The following GK variants were observed in gnomAD, a reference collection of about 807,000 sequenced individuals.
GK encodes glycerol kinase, also known as ATP:glycerol 3-phosphotransferase.
Under a neutral mutation model 56.4 loss-of-function variants are expected in GK, and 9 were observed. That is an observed-to-expected ratio of 0.16 (90% CI 0.10 to 0.28). The LOEUF (loss-of-function observed/expected upper bound fraction) is 0.28, where lower values mean the gene tolerates loss of function less well. Among genes scored for constraint, GK ranks in the 10% least tolerant of loss-of-function variants. The probability of loss-of-function intolerance (pLI) is 1.00; values close to 1 mark genes in which losing one functional copy is unlikely to be tolerated. For synonymous variants in GK, 104 were observed against 144.1 expected, an observed-to-expected ratio of 0.72 and a Z score of 1.99; for missense variants, 161 against 431.4, an observed-to-expected ratio of 0.37 and a Z score of 5.55.
intron 9 of GK, among the ~76,000 whole-genome samples, chrX:30,699,511 C>T (rs1935526819): frequency 9.4e-6 from 1 of 106,445 alleles, no homozygotes; most frequent in Admixed American, 1.0e-4. Context: ...ATTACAGGTA[C>T]CCGCCATCAT....
intron 13 of GK, among the ~76,000 whole-genome samples, chrX:30,708,970 A>ATTT (rs1409991106): frequency 9.0e-6 from 1 of 111,042 alleles, no homozygotes; most frequent in Non-Finnish European, 1.9e-5. Context: ...GTTTATTTCT[A>ATTT]TTTTTCTCCC....
chrX:30,706,057 C>G (rs143025912), intron 11 of GK, among the ~76,000 whole-genome samples: 1 of 111,738 alleles, frequency 8.9e-6, no homozygotes, highest in African/African-American at 3.3e-5. Context: ...CAGTGTGCGG[C>G]AATAAAACGG....
intron 4 of GK, among the ~76,000 whole-genome samples, chrX:30,690,398 C>T (rs963368088): frequency 1.8e-5 from 2 of 112,076 alleles, no homozygotes; most frequent in Admixed American, 1.9e-4. Context: ...TTAGTGTTTC[C>T]TCTTCCTCAA....
At chrX:30,722,796 T>C (rs1419162658) in intron 18 of GK, among the ~76,000 whole-genome samples, 2 of 110,204 alleles carry the variant, frequency 1.8e-5, no homozygotes, top group African/African-American at 3.3e-5. Flanking sequence ...GAGGGGGGGA[T>C]AGAAATGGGG....
chrX:30,721,458 ATTTTT>A, intron 18 of GK: 2 of 98,392 alleles, frequency 2.0e-5, no homozygotes, highest in Non-Finnish European at 4.0e-5. Context: ...CGCCCGCCTA[ATTTTT>A]TTTTTTTTTT....
intron 9 of GK, among the ~76,000 whole-genome samples, chrX:30,699,345 TTA>T (rs1416140816): frequency 1.0e-5 from 1 of 95,465 alleles, no homozygotes; most frequent in Non-Finnish European, 2.1e-5. Flanking sequence ...CACATACGTT[TTA>T]TATATATATA....
At chrX:30,707,468 A>G (rs1260300725) in intron 11 of GK, 88 bp from the exon 12 acceptor site, 1 of 597,590 alleles carries the variant, frequency 1.7e-6, no homozygotes, top group Non-Finnish European at 2.8e-6. Context: ...ACTAAATTAT[A>G]TGTCAGTTTT....
intron 4 of GK, 61 bp downstream of exon 4, chrX:30,677,513 T>C: frequency 4.4e-6 from 3 of 677,239 alleles, no homozygotes; most frequent in Non-Finnish European, 7.4e-6. Flanking sequence ...AATGTGGTCA[T>C]ATTAAAATAT....
chrX:30,728,246 T>C (rs1431244722), intron 20 of GK, among the ~76,000 whole-genome samples: 1 of 111,493 alleles, frequency 9.0e-6, no homozygotes, highest in Non-Finnish European at 1.9e-5. Context: ...TTGTGGAAGC[T>C]GCTCCTGGTG....
At chrX:30,673,649 T>C (rs759243140) in intron 3 of GK, among the ~76,000 whole-genome samples, 29 of 111,600 alleles carry the variant, frequency 2.6e-4, no homozygotes, top group African/African-American at 9.1e-4. Flanking sequence ...TTACTTGGCA[T>C]GAAGGAATCC....
chrX:30,659,093 G>A (rs1025575989), intron 1 of GK, among the ~76,000 whole-genome samples: 5 of 111,826 alleles, frequency 4.5e-5, no homozygotes, highest in Admixed American at 2.9e-4. Flanking sequence ...GTGCAATGGC[G>A]TGATCTCAGC....
intron 9 of GK, chrX:30,699,882 A>G (rs921795604): frequency 4.5e-5 from 5 of 112,222 alleles, no homozygotes; most frequent in African/African-American, 1.6e-4. Context: ...GATGTTTGCT[A>G]TGAACAAATA....
chrX:30,709,362 T>G (rs1482091911), intron 13 of GK, among the ~76,000 whole-genome samples: 1 of 111,716 alleles, frequency 9.0e-6, no homozygotes, highest in East Asian at 2.8e-4. Flanking sequence ...CCAGTAGCCA[T>G]CCAACTTCTA....
chrX:30,679,479 G>A (rs1329062142), intron 4 of GK, among the ~76,000 whole-genome samples: 1 of 111,224 alleles, frequency 9.0e-6, no homozygotes, highest in East Asian at 2.8e-4. Context: ...TGGCACGCCC[G>A]GCTAGTTCCA....
intron 3 of GK, among the ~76,000 whole-genome samples, chrX:30,675,668 C>G (rs1569149207): frequency 9.3e-6 from 1 of 107,344 alleles, no homozygotes; most frequent in Non-Finnish European, 1.9e-5. Context: ...ACCATACCCC[C>G]CTAATTTTTA....
In GK at chrX:30,729,221, G is replaced by C. The variant is rs1373293596; in HGVS notation, c.*479G>C. ...CCCTAAAAGTCTTCTTTTCTACATA[G>C]TTGAAGACAGCAACATCTTCACTGA... On this transcript the variant is annotated 3_prime_UTR_variant, in exon 21 of 21. Transcript: ENST00000427190. 9.4e-6 allele frequency: 1 copy of C among 106,711 alleles called. No individual in the cohort carries two copies. The highest frequency in any genetic ancestry group is 1.0e-4 in the Admixed American group (1 of 9,840). 8.8% of individuals were successfully genotyped at this position (106,711 alleles called of 1,213,427 possible).
rs149709043 is a variant in GK at position 30,723,452 on chromosome X, C to G, written c.1502-649C>G. Among the ~76,000 whole-genome samples the G allele has an allele frequency of 1.4e-4, 15 of 110,552 alleles. No homozygotes were observed. The East Asian group carries it at 4.3e-3, about 32-fold the overall frequency. On this transcript the variant is annotated intron_variant, in intron 18 of 20. Transcript: ENST00000427190. ...TAGTCTTCCCACATTACAGCATACC[C>G]TTTTCCTCGTACCCTTTCCCCCCAA...
Position 30,653,475 on chromosome X carries a change from C to T in GK, c.-63C>T. On this transcript the variant is annotated 5_prime_UTR_variant, in exon 1 of 21. Coordinates refer to ENST00000427190, the MANE Select transcript of GK (RefSeq NM_001205019.2). Reference sequence around the variant, plus strand: ...TCTCTGGACTCGTCACCTGCCCCTCCCCCTCCCGCCGCCGTCACCCAGGAA... The same window carrying T: ...TCTCTGGACTCGTCACCTGCCCCTCTCCCTCCCGCCGCCGTCACCCAGGAA... 2.0e-6 allele frequency: 2 copies of T among 1,014,039 alleles called. No homozygotes were observed. Among genetic ancestry groups the T allele is most frequent in the Non-Finnish European group, 2.8e-6 (2 of 715,715 alleles). The allele number at this position is 1,014,039 out of a possible 1,213,427, so 83.6% of individuals were successfully genotyped here.
At chrX:30,695,115 T>C in intron 6 of GK, 3 of 594,502 alleles carry the variant, frequency 5.0e-6, no homozygotes, top group Non-Finnish European at 4.9e-6. Context: ...ACATTTCATT[T>C]TATTTGTAAA....
Sources: allele counts gnomAD v4.1 joint callset (sites outside exome capture counted in the v4.1 genomes callset), GRCh38; gene constraint gnomAD v4.1.1; transcripts MANE v1.5; gene names NCBI Gene and HGNC (gene_info 2026-07-23, HGNC 2026-07-21).